Variants in ZBTB2 observed in about 807,000 individuals in gnomAD.
ZBTB2 encodes the protein zinc finger and BTB domain containing 2.
In ZBTB2, 2 loss-of-function variants were observed where a neutral mutation model predicts 39.5. That is an observed-to-expected ratio of 0.05 (90% confidence interval 0.02 to 0.16). ZBTB2 has a LOEUF of 0.16. ZBTB2 is among the 10% of genes least tolerant of loss of function. ZBTB2 has a pLI of 1.00. For synonymous variants in ZBTB2, 251 were observed against 256.6 expected (o/e 0.98, Z 0.21); for missense variants, 391 against 653.0 (o/e 0.60, Z 4.37).
chr6:151,376,834 A>G (rs1040607595), intron 1 of ZBTB2, among the ~76,000 whole-genome samples: 1 of 152,164 alleles, frequency 6.6e-6, no homozygotes, highest in Non-Finnish European at 1.5e-5. Context: ...CAGCAACTGC[A>G]CTCCTGGACG....
At chr6:151,387,685 G>C (rs1288007600) in intron 1 of ZBTB2, among the ~76,000 whole-genome samples, 1 of 152,156 alleles carries the variant, frequency 6.6e-6, no homozygotes, top group Non-Finnish European at 1.5e-5. Context: ...TAAGTACTTA[G>C]CCAGATACAT....
In ZBTB2 at chr6:151,365,576, T is replaced by A. The variant is rs772809971; in HGVS notation, c.1490A>T (p.Asp497Val). The A allele has an allele frequency of 3.1e-6, 5 of 1,614,164 alleles. No individual in the cohort carries two copies. In the East Asian group the frequency reaches 1.1e-4, roughly 36 times the overall value. ...TTTGATGGAAGCTAACACTGGGTGG[T>A]CAGGCTCCGTTACTTCCGAGTCCCC... ...GSGDSEVTEPDHPVLASIKKE... is the reference protein window; with the variant it reads ...GSGDSEVTEPVHPVLASIKKE... The change falls in exon 3 of 3, where the codon GAC (aspartate) becomes GTC (valine). Residue 497 changes from aspartate (D) to valine (V), a missense_variant. By Grantham distance (152) the Asp-to-Val change is radical (BLOSUM62 -3). Coordinates refer to ENST00000325144, the MANE Select transcript of ZBTB2 (RefSeq NM_020861.3). The surrounding 1 kb of genome is among the most constrained non-coding windows in gnomAD (Gnocchi z 5.6).
intron 1 of ZBTB2, among the ~76,000 whole-genome samples, chr6:151,378,366 C>T (rs1295518276): frequency 6.6e-6 from 1 of 152,132 alleles, no homozygotes; most frequent in African/African-American, 2.4e-5. Context: ...AGACTGTTGT[C>T]TCATGCAAAC....
chr6:151,381,259 G>A (rs1158547320), intron 1 of ZBTB2, among the ~76,000 whole-genome samples: 1 of 152,176 alleles, frequency 6.6e-6, no homozygotes, highest in African/African-American at 2.4e-5. Flanking sequence ...AGTGGCTCAC[G>A]CCTGTAATCC....
intron 1 of ZBTB2, among the ~76,000 whole-genome samples, chr6:151,387,985 T>C (rs1779197564): frequency 6.6e-6 from 1 of 152,232 alleles, no homozygotes; most frequent in South Asian, 2.1e-4. Flanking sequence ...AATAGTTTAA[T>C]TTGCTAGCAC....
chr6:151,374,998 T>C (rs890639991), intron 1 of ZBTB2, among the ~76,000 whole-genome samples: 1 of 148,766 alleles, frequency 6.7e-6, no homozygotes, highest in Admixed American at 6.7e-5. Context: ...CAGGCGCCTG[T>C]AGTCCCAGCT....
In ZBTB2 at chr6:151,377,825, T is replaced by C. The variant is rs369036353; in HGVS notation, c.-12-4176A>G. The stretch of plus-strand genomic sequence containing the variant: ...CTGGGATTACGGACGTGAGCCACCG[T>C]GCCCGGGCAAGTTAAATTTTTAAAA... On this transcript the variant is annotated intron_variant, in intron 1 of 2. Coordinates refer to ENST00000325144, the MANE Select transcript of ZBTB2 (RefSeq NM_020861.3). Among the ~76,000 whole-genome samples the C allele has an allele frequency of 4.9e-4, 74 of 152,120 alleles. No individual in the cohort carries two copies. In the South Asian group the frequency reaches 6.0e-3, roughly 12 times the overall value.
intron 2 of ZBTB2, among the ~76,000 whole-genome samples, chr6:151,371,406 G>A (rs573467010): frequency 1.3e-5 from 2 of 152,328 alleles, no homozygotes; most frequent in East Asian, 3.9e-4. Flanking sequence ...CACAATTAAA[G>A]TGTTATGAGC....
chr6:151,382,041 A>G (rs1779044728), intron 1 of ZBTB2, among the ~76,000 whole-genome samples: 1 of 152,176 alleles, frequency 6.6e-6, no homozygotes, highest in Non-Finnish European at 1.5e-5. Flanking sequence ...GCTATATGGT[A>G]ATCTACTGCT....
Position 151,365,908 on chromosome 6 carries a change from G to A in ZBTB2, c.1158C>T (p.Thr386=), listed in dbSNP as rs533502451. ...AAGTGCTGCACTTGAAAGGCTTCCC[G>A]GTGTGTATGTACATGTGTTCCCTCC... is the stretch of plus-strand genomic sequence containing the variant. The part of the protein sequence containing the change: ...SHWREHMYIH[T]GKPFKCSTCD... Residue 386 remains threonine, a synonymous_variant, in exon 3 of 3, where the codon ACC becomes ACT. Coordinates refer to ENST00000325144, the MANE Select transcript of ZBTB2 (RefSeq NM_020861.3). The surrounding 1 kb of genome is among the most constrained non-coding windows in gnomAD (Gnocchi z 5.6). The A allele has an allele frequency of 1.2e-5, 20 of 1,614,152 alleles. No individual in the cohort carries two copies. The highest frequency in any genetic ancestry group is 3.3e-5 in the South Asian group (3 of 91,076).
intron 2 of ZBTB2, among the ~76,000 whole-genome samples, chr6:151,367,954 G>A (rs1778685965): frequency 6.6e-6 from 1 of 152,144 alleles, no homozygotes; most frequent in Admixed American, 6.5e-5. Flanking sequence ...AAATTAGTGA[G>A]ATCTATATCC....
At position 151,377,838 on chromosome 6, in the gene ZBTB2, T is replaced by TA. The variant is rs1318694900; in HGVS notation, c.-12-4190dup. Among the ~76,000 whole-genome samples, 8 of 152,170 alleles carry TA rather than the reference T, an allele frequency of 5.3e-5. No individual in the cohort carries two copies. In the South Asian group the frequency reaches 1.7e-3, roughly 32 times the overall value. ...CGTGAGCCACCGTGCCCGGGCAAGT[T>TA]AAATTTTTAAAAGCCTACTACACAT... On this transcript the variant is annotated intron_variant, in intron 1 of 2. Coordinates refer to ENST00000325144, the MANE Select transcript of ZBTB2 (RefSeq NM_020861.3).
At position 151,366,247 on chromosome 6, in the gene ZBTB2, G is replaced by C. The variant is rs1778646054; in HGVS notation, c.819C>G (p.Leu273=). The C allele has an allele frequency of 6.2e-7, 1 of 1,613,656 alleles. No homozygotes were observed. Among genetic ancestry groups the C allele is most frequent in the South Asian group, 1.1e-5 (1 of 91,060 alleles). Residue 273 remains leucine (L), a synonymous_variant, in exon 3 of 3, where the codon CTC becomes CTG. Coordinates refer to ENST00000325144, the MANE Select transcript of ZBTB2 (RefSeq NM_020861.3). The surrounding 1 kb of genome is among the most constrained non-coding windows in gnomAD (Gnocchi z 7.1). Reference sequence around the variant, plus strand: ...TGAAAGGTACTCCTGTGTGGATCTGGAGGTGTTCACGTAAGCTGCTCCGGA... The same window carrying C: ...TGAAAGGTACTCCTGTGTGGATCTGCAGGTGTTCACGTAAGCTGCTCCGGA... ...FTLRSSLREH[L]QIHTGVPFTS...
chr6:151,388,741 T>G (rs1429051235), intron 1 of ZBTB2, among the ~76,000 whole-genome samples: 7 of 152,204 alleles, frequency 4.6e-5, no homozygotes, highest in African/African-American at 1.7e-4. Context: ...AAGTTGATAT[T>G]AAAGTTTAAG....
At chr6:151,388,149 A>G (rs1779201805) in intron 1 of ZBTB2, among the ~76,000 whole-genome samples, 1 of 152,094 alleles carries the variant, frequency 6.6e-6, no homozygotes, top group Non-Finnish European at 1.5e-5. Flanking sequence ...AGAGCATAAG[A>G]AAATAGGAAA....
chr6:151,387,589 C>T (rs1293104465), intron 1 of ZBTB2, among the ~76,000 whole-genome samples: 1 of 152,206 alleles, frequency 6.6e-6, no homozygotes, highest in African/African-American at 2.4e-5. Context: ...GACGCTTACC[C>T]TGCTTGGTGC....
intron 1 of ZBTB2, among the ~76,000 whole-genome samples, chr6:151,386,095 A>T (rs1779143001): frequency 6.6e-6 from 1 of 152,212 alleles, no homozygotes; most frequent in Non-Finnish European, 1.5e-5. Flanking sequence ...AGTTGGGGTC[A>T]TAAGGAGGCA....
intron 1 of ZBTB2, among the ~76,000 whole-genome samples, chr6:151,379,620 AGAGT>A (rs1260038936): frequency 1.4e-5 from 2 of 148,092 alleles, no homozygotes; most frequent in African/African-American, 5.0e-5. Context: ...CCTGGGAAAC[AGAGT>A]GAGACCCTGT....
intron 2 of ZBTB2, among the ~76,000 whole-genome samples, chr6:151,370,560 A>G (rs912861489): frequency 6.6e-6 from 1 of 152,164 alleles, no homozygotes; most frequent in African/African-American, 2.4e-5. Context: ...CCTCTCCCTC[A>G]GTGGTTTTAT....
Sources: allele counts gnomAD v4.1 joint callset (sites outside exome capture counted in the v4.1 genomes callset), GRCh38; gene constraint gnomAD v4.1.1; non-coding constraint Gnocchi (gnomAD v3.1); transcripts MANE v1.5; gene names NCBI Gene and HGNC (gene_info 2026-07-23, HGNC 2026-07-21).